ANK2: variants seen among roughly 807,000 people sequenced by gnomAD.
ANK2 encodes the protein ankyrin-2.
ANK2 carries 83 observed loss-of-function variants against 360.5 expected under a neutral mutation model. The observed-to-expected ratio is 0.23, with a 90% CI of 0.19 to 0.28. ANK2 has a LOEUF of 0.28. Among genes scored for constraint, ANK2 ranks in the 10% least tolerant of loss-of-function variants. The pLI is 1.00. For missense variants in ANK2, 4,201 were observed against 4,795.7 expected (o/e 0.88, Z 3.66); for synonymous variants, 1,740 against 1,759.5 (o/e 0.99, Z 0.28).
the ANK2 span, among the ~76,000 whole-genome samples, chr4:112,709,318 A>G: frequency 6.6e-6 from 1 of 152,218 alleles, no homozygotes; most frequent in African/African-American, 2.4e-5. Context: ...TGTAAAAGAA[A>G]AGATGAAGAA....
intron 1 of ANK2, among the ~76,000 whole-genome samples, chr4:113,083,465 GCA>G (rs1489657881): frequency 6.6e-6 from 1 of 152,204 alleles, no homozygotes; most frequent in East Asian, 1.9e-4. Flanking sequence ...TTCAGCCACT[GCA>G]CCTGGCTCTG....
upstream of ANK2, among the ~76,000 whole-genome samples, chr4:112,815,027 T>TA (rs1491365642): frequency 6.8e-6 from 1 of 147,366 alleles, no homozygotes; most frequent in African/African-American, 2.6e-5. Flanking sequence ...TTTTTTTTTT[T>TA]ATGATGGAGT....
chr4:112,866,218 T>C (rs2150180456), intron 1 of ANK2, among the ~76,000 whole-genome samples: 1 of 152,356 alleles, frequency 6.6e-6, no homozygotes, highest in South Asian at 2.1e-4. Context: ...TCCTCCTATC[T>C]CCTGCAAATC....
At chr4:113,380,461 G>C (rs1034142337) in intron 45 of ANK2, among the ~76,000 whole-genome samples, 3 of 152,184 alleles carry the variant, frequency 2.0e-5, no homozygotes, top group African/African-American at 7.2e-5. Context: ...AGGAGTTCGA[G>C]ACCAGCTTGG....
intron 1 of ANK2, among the ~76,000 whole-genome samples, chr4:112,893,489 A>G (rs971297009): frequency 7.2e-5 from 11 of 152,142 alleles, no homozygotes; most frequent in South Asian, 2.1e-4. Context: ...ATTTGCTAAT[A>G]TAATTGTGGT....
intron 1 of ANK2, chr4:112,827,625 C>T: frequency 1.2e-6 from 1 of 827,704 alleles, no homozygotes; most frequent in Non-Finnish European, 2.0e-6. Flanking sequence ...ACTCTCCATC[C>T]AGATCCTTGC....
chr4:112,720,567 TCA>T, the ANK2 span, among the ~76,000 whole-genome samples: 1 of 152,204 alleles, frequency 6.6e-6, no homozygotes, highest in Admixed American at 6.6e-5. Flanking sequence ...CCTAATGGAA[TCA>T]GTTATAAATT....
At chr4:112,960,939 A>G (rs1252032753) in intron 2 of ANK2, among the ~76,000 whole-genome samples, 1 of 152,172 alleles carries the variant, frequency 6.6e-6, no homozygotes, top group African/African-American at 2.4e-5. Flanking sequence ...CAGATACTTT[A>G]CAAATAATCA....
chr4:113,131,138 T>C (rs2096003699), intron 1 of ANK2, among the ~76,000 whole-genome samples: 1 of 152,202 alleles, frequency 6.6e-6, no homozygotes, highest in South Asian at 2.1e-4. Flanking sequence ...CCTCCTGTTT[T>C]CAATTCAAAT....
intron 25 of ANK2, 22 bp from the exon 26 acceptor site, chr4:113,318,495 A>G (rs1192060190): frequency 2.5e-6 from 4 of 1,584,958 alleles, no homozygotes; most frequent in Admixed American, 1.7e-5. Context: ...TGTTTATTCA[A>G]TCCAGTGTTC....
At chr4:112,824,013 C>T (rs760094600) in intron 1 of ANK2, among the ~76,000 whole-genome samples, 7 of 151,892 alleles carry the variant, frequency 4.6e-5, no homozygotes, top group Admixed American at 3.9e-4. Flanking sequence ...TGATTAATGC[C>T]GATTTTTTTT....
At chr4:112,714,366 A>G in the ANK2 span, among the ~76,000 whole-genome samples, 1 of 152,144 alleles carries the variant, frequency 6.6e-6, no homozygotes, top group East Asian at 1.9e-4. Context: ...TATTTTTAGT[A>G]GAGATGGGGT....
chr4:113,008,462 T>A (rs1561516283), intron 2 of ANK2, among the ~76,000 whole-genome samples: 2 of 152,220 alleles, frequency 1.3e-5, no homozygotes, highest in Non-Finnish European at 2.9e-5. Context: ...TTGTGACCCC[T>A]GGTTATAAGC....
At chr4:112,982,930 C>G (rs1029989641) in intron 2 of ANK2, among the ~76,000 whole-genome samples, 5 of 152,164 alleles carry the variant, frequency 3.3e-5, no homozygotes, top group Admixed American at 6.5e-5. Context: ...TCTTTCAACC[C>G]TTGTTGTTGG....
At chr4:113,251,536 G>T (rs2046396500) in intron 10 of ANK2, among the ~76,000 whole-genome samples, 1 of 137,808 alleles carries the variant, frequency 7.3e-6, no homozygotes, top group Admixed American at 7.9e-5. Flanking sequence ...AGGCTGGAGT[G>T]CAGTGGCACG....
At chr4:113,137,645 C>T (rs1366393404) in intron 1 of ANK2, among the ~76,000 whole-genome samples, 2 of 152,106 alleles carry the variant, frequency 1.3e-5, no homozygotes, top group East Asian at 3.8e-4. Context: ...CTTCCTCTTT[C>T]CTTCTTCCTT....
intron 2 of ANK2, among the ~76,000 whole-genome samples, chr4:113,000,845 C>T (rs1419588243): frequency 6.6e-6 from 1 of 152,124 alleles, no homozygotes; most frequent in Admixed American, 6.6e-5. Context: ...TTATCATCAT[C>T]CTCGTACCCA....
At chr4:112,904,510 A>G (rs2084530006) in exon 2 of ANK2, 1 of 1,503,286 alleles carries the variant, frequency 6.7e-7, no homozygotes, top group East Asian at 2.5e-5. Context: ...ACCATGTTGC[A>G]AAAGGTACTT....
intron 2 of ANK2, among the ~76,000 whole-genome samples, chr4:112,944,350 A>G (rs899931924): frequency 6.6e-6 from 1 of 152,200 alleles, no homozygotes; most frequent in Non-Finnish European, 1.5e-5. Context: ...AGTTGACAGA[A>G]CTGCCTAACA....
Sources: allele counts gnomAD v4.1 joint callset (sites outside exome capture counted in the v4.1 genomes callset), GRCh38; gene constraint gnomAD v4.1.1; transcripts MANE v1.5; gene names NCBI Gene and HGNC (gene_info 2026-07-23, HGNC 2026-07-21).